MTOR: variants seen among roughly 807,000 people sequenced by gnomAD.
The protein encoded by MTOR is serine/threonine-protein kinase mTOR.
In MTOR, 70 loss-of-function variants were observed where a neutral mutation model predicts 319.8. That is an observed-to-expected ratio of 0.22 (90% CI 0.18 to 0.27). The LOEUF (loss-of-function observed/expected upper bound fraction) is 0.27, where lower values mean the gene tolerates loss of function less well. MTOR is among the 10% of genes least tolerant of loss of function. The pLI is 1.00. For missense variants in MTOR, 1,890 were observed against 3,274.4 expected (o/e 0.58, Z 10.32); for synonymous variants, 1,183 against 1,211.4 (o/e 0.98, Z 0.49).
chr1:11,152,043 G>A (rs557746956), intron 30 of MTOR, among the ~76,000 whole-genome samples: 2 of 152,322 alleles, frequency 1.3e-5, no homozygotes. Context: ...AGTGAACTTC[G>A]CACGGCCTTC....
intron 26 of MTOR, among the ~76,000 whole-genome samples, chr1:11,201,628 TAAA>T (rs1557837216): frequency 1.3e-5 from 2 of 152,144 alleles, no homozygotes; most frequent in African/African-American, 4.8e-5. Context: ...ATTTAAGAAA[TAAA>T]GAAGAGAATA....
At chr1:11,156,364 A>G (rs1385578074) in intron 30 of MTOR, among the ~76,000 whole-genome samples, 1 of 152,210 alleles carries the variant, frequency 6.6e-6, no homozygotes, top group Non-Finnish European at 1.5e-5. Context: ...CTATTTTTTA[A>G]AAGTTGCACT....
chr1:11,235,115 G>A (rs1289285155), intron 13 of MTOR, among the ~76,000 whole-genome samples: 1 of 152,144 alleles, frequency 6.6e-6, no homozygotes. Flanking sequence ...AGACCACAGG[G>A]AAAAGAAATG....
At chr1:11,190,983 C>T (rs748913450) in intron 28 of MTOR, among the ~76,000 whole-genome samples, 4 of 152,330 alleles carry the variant, frequency 2.6e-5, no homozygotes, top group Non-Finnish European at 5.9e-5. Flanking sequence ...TAAGCATGGA[C>T]TTCCGGGCCC....
chr1:11,248,509 A>G (rs878945944), intron 6 of MTOR, among the ~76,000 whole-genome samples: 2 of 152,154 alleles, frequency 1.3e-5, no homozygotes, highest in Admixed American at 1.3e-4. Flanking sequence ...CTCCCTAGAA[A>G]CCCAGGTAAA....
At chr1:11,163,060 C>T (rs1423592441) in intron 29 of MTOR, among the ~76,000 whole-genome samples, 2 of 152,070 alleles carry the variant, frequency 1.3e-5, no homozygotes, top group East Asian at 1.9e-4. Context: ...CAGACACACA[C>T]ATAGGCTCAA....
intron 29 of MTOR, among the ~76,000 whole-genome samples, chr1:11,160,926 G>A (rs776690669): frequency 1.1e-4 from 16 of 152,198 alleles, no homozygotes; most frequent in Admixed American, 2.6e-4. Flanking sequence ...GGGGCTTGTC[G>A]GACAGTGGGT....
chr1:11,191,943 G>A (rs1246166929), intron 28 of MTOR, among the ~76,000 whole-genome samples: 1 of 152,132 alleles, frequency 6.6e-6, no homozygotes. Flanking sequence ...CTGTTACGTG[G>A]CCCTCATACA....
At chr1:11,190,423 T>C (rs1385705987) in intron 28 of MTOR, among the ~76,000 whole-genome samples, 2 of 152,222 alleles carry the variant, frequency 1.3e-5, no homozygotes, top group Non-Finnish European at 2.9e-5. Flanking sequence ...GAATTTTGTG[T>C]CCTCTCTCTG....
intron 28 of MTOR, among the ~76,000 whole-genome samples, chr1:11,173,320 T>G (rs1455930577): frequency 6.6e-6 from 1 of 151,990 alleles, no homozygotes; most frequent in Non-Finnish European, 1.5e-5. Context: ...CAACAAGGTC[T>G]GGTTCTGTTA....
chr1:11,129,743 T>C lies in MTOR; in HGVS notation c.5709A>G (p.Thr1903=). ...ATCCTTCCCTTCTCTGATACCTGAG[T>C]GTATCCTGGAGGTTGTTGCCTCGTG... The part of the protein sequence containing the change: ...SLSRGNNLQD[T]LRVLTLWFDY... Residue 1903 remains threonine, a synonymous_variant, in exon 40 of 58, where the codon ACA becomes ACG. Coordinates refer to ENST00000361445, the MANE Select transcript of MTOR (RefSeq NM_004958.4). This position sits in a 1 kb window ranked among gnomAD's most constrained non-coding sequence, Gnocchi z 4.7. The C allele has an allele frequency of 6.2e-7, 1 of 1,613,748 alleles. No homozygotes were observed.
intron 13 of MTOR, 124 bp from the exon 14 acceptor site, chr1:11,234,389 G>T: frequency 9.1e-6 from 10 of 1,095,930 alleles, no homozygotes; most frequent in Non-Finnish European, 1.3e-5. Context: ...AGATGAAGTA[G>T]CTGCTAGATA....
At chr1:11,184,302 T>C (rs530814442) in intron 28 of MTOR, among the ~76,000 whole-genome samples, 1 of 152,326 alleles carries the variant, frequency 6.6e-6, no homozygotes, top group South Asian at 2.1e-4. Flanking sequence ...ATTTGTCTGC[T>C]TCTAGGCCTA....
At chr1:11,149,057 C>G (rs1378479069) in intron 31 of MTOR, among the ~76,000 whole-genome samples, 1 of 152,118 alleles carries the variant, frequency 6.6e-6, no homozygotes, top group Non-Finnish European at 1.5e-5. Flanking sequence ...TGAGTCACCA[C>G]ACCCAGCCTT....
chr1:11,120,189 G>A (rs983800750), intron 49 of MTOR, among the ~76,000 whole-genome samples: 6 of 151,952 alleles, frequency 3.9e-5, no homozygotes, highest in South Asian at 2.1e-4. Context: ...TGATCCTTCC[G>A]AGTAGCTGGG....
chr1:11,216,198 CAAAG>C lies in MTOR; in HGVS notation c.3063_3066del (p.Phe1022Ter). ...ATATAAGGTCTGATGTGGCTCTTCA[CAAAG>C]GACACCAACATTCCCAGCTGCTGGA... On this transcript the variant is annotated frameshift_variant, in exon 20 of 58. Coordinates refer to ENST00000361445, the MANE Select transcript of MTOR (RefSeq NM_004958.4). LOFTEE classifies it high-confidence loss of function. 6.2e-7 allele frequency: 1 copy of C among 1,614,026 alleles called. No individual in the cohort carries two copies.
chr1:11,123,076 C>T (rs548706379), intron 47 of MTOR, among the ~76,000 whole-genome samples: 86 of 152,056 alleles, frequency 5.7e-4, no homozygotes, highest in Non-Finnish European at 1.1e-3. Context: ...TTTCATCCCA[C>T]AAGGGGTCAG....
intron 28 of MTOR, among the ~76,000 whole-genome samples, chr1:11,193,383 G>A (rs775645111): frequency 2.0e-5 from 3 of 151,822 alleles, no homozygotes; most frequent in South Asian, 2.1e-4. Flanking sequence ...AATTTGCATC[G>A]TTCTTCCAGA....
intron 28 of MTOR, among the ~76,000 whole-genome samples, chr1:11,185,995 T>C (rs1041681002): frequency 2.0e-5 from 3 of 148,866 alleles, no homozygotes; most frequent in South Asian, 2.1e-4. Context: ...GGCAGGAGAA[T>C]TGGCGTGAAC....
Sources: allele counts gnomAD v4.1 joint callset (sites outside exome capture counted in the v4.1 genomes callset), GRCh38; gene constraint gnomAD v4.1.1; non-coding constraint Gnocchi (gnomAD v3.1); transcripts MANE v1.5; gene names NCBI Gene and HGNC (gene_info 2026-07-23, HGNC 2026-07-21).